EPHA4: variants seen among roughly 807,000 people sequenced by gnomAD.
The protein encoded by EPHA4 is EPH receptor A4, also known as ephrin type-A receptor 4.
EPHA4 carries 19 observed loss-of-function variants against 108.3 expected under a neutral mutation model. The ratio of observed to expected loss-of-function variants is 0.18; its 90% CI spans 0.12 to 0.26. The LOEUF (loss-of-function observed/expected upper bound fraction) is 0.26. Among genes scored for constraint, EPHA4 ranks in the 10% least tolerant of loss-of-function variants. EPHA4 has a pLI of 1.00. For synonymous variants in EPHA4, 449 were observed against 455.5 expected (o/e 0.99, Z 0.18); for missense variants, 917 against 1,254.0 (o/e 0.73, Z 4.06).
At chr2:221,481,095 G>A (rs534550291) in intron 5 of EPHA4, among the ~76,000 whole-genome samples, 71 of 152,200 alleles carry the variant, frequency 4.7e-4, no homozygotes, top group African/African-American at 1.6e-3. Flanking sequence ...TAAAAAAGCC[G>A]GCAATGTAAA....
intron 3 of EPHA4, among the ~76,000 whole-genome samples, chr2:221,525,677 G>C (rs79668685): frequency 3.9e-4 from 60 of 152,246 alleles, no homozygotes; most frequent in African/African-American, 1.4e-3. Flanking sequence ...ATAAGAAACT[G>C]CCCACAAAGT....
At chr2:221,541,009 C>A (rs1331005333) in intron 3 of EPHA4, among the ~76,000 whole-genome samples, 3 of 146,112 alleles carry the variant, frequency 2.1e-5, no homozygotes, top group African/African-American at 7.6e-5. Context: ...TGCAGTGACA[C>A]AATCATAGCT....
chr2:221,468,866 A>G (rs1051938593), intron 5 of EPHA4, among the ~76,000 whole-genome samples: 3 of 152,260 alleles, frequency 2.0e-5, no homozygotes, highest in Non-Finnish European at 4.4e-5. Flanking sequence ...CAATAAATAG[A>G]TCCACTATGG....
chr2:221,522,154 T>C (rs565020996), intron 3 of EPHA4, among the ~76,000 whole-genome samples: 1 of 152,316 alleles, frequency 6.6e-6, no homozygotes, highest in East Asian at 1.9e-4. Flanking sequence ...ACATTGCCAG[T>C]TATGCCCATA....
rs578220619 is a variant in EPHA4, at chr2:221,420,044, C to T, written c.*1328G>A. On this transcript the variant is annotated 3_prime_UTR_variant, in exon 18 of 18. Coordinates refer to ENST00000281821, the MANE Select transcript of EPHA4 (RefSeq NM_004438.5). ...GTCTAAGAAAAAAATATATTTATATCACTGCAATGGCACACCCTGGGTAAA... is the reference window on the plus strand; with the variant it reads ...GTCTAAGAAAAAAATATATTTATATTACTGCAATGGCACACCCTGGGTAAA... 1 of 152,718 alleles carries T rather than the reference C, an allele frequency of 6.5e-6. No individual in the cohort carries two copies. Among genetic ancestry groups the T allele is most frequent in the South Asian group, 2.1e-4 (1 of 4,824 alleles). The allele number at this position is 152,718 out of a possible 1,614,324, so 9.5% of individuals were successfully genotyped here. A position where few individuals can be genotyped will look rare whatever the true frequency, so the allele number is the denominator to read the frequency against.
At chr2:221,551,760 A>G (rs955060249) in intron 3 of EPHA4, among the ~76,000 whole-genome samples, 2 of 152,166 alleles carry the variant, frequency 1.3e-5, no homozygotes, top group African/African-American at 4.8e-5. Flanking sequence ...GAGACCATTC[A>G]GTGGTTGATT....
chr2:221,452,625 G>A (rs1690823070), intron 8 of EPHA4, among the ~76,000 whole-genome samples: 1 of 152,170 alleles, frequency 6.6e-6, no homozygotes, highest in South Asian at 2.1e-4. Flanking sequence ...ATCAATATGA[G>A]GGCAAGGGGT....
chr2:221,507,722 G>T (rs532633098), intron 3 of EPHA4, among the ~76,000 whole-genome samples: 4 of 152,304 alleles, frequency 2.6e-5, no homozygotes, highest in African/African-American at 9.6e-5. Context: ...AGAGACAACA[G>T]AAAGTGTTCA....
intron 4 of EPHA4, among the ~76,000 whole-genome samples, chr2:221,494,332 A>G (rs1420384623): frequency 2.6e-5 from 4 of 152,220 alleles, no homozygotes; most frequent in African/African-American, 7.2e-5. Flanking sequence ...TGCCGGGTGC[A>G]GTGACTCACG....
At chr2:221,505,500 A>G (rs2106161049) in intron 3 of EPHA4, among the ~76,000 whole-genome samples, 1 of 151,842 alleles carries the variant, frequency 6.6e-6, no homozygotes, top group East Asian at 1.9e-4. Context: ...TAATTTTTAT[A>G]TTTTTAGTAG....
At chr2:221,480,448 T>C (rs1051105909) in intron 5 of EPHA4, among the ~76,000 whole-genome samples, 3 of 152,206 alleles carry the variant, frequency 2.0e-5, no homozygotes, top group African/African-American at 7.2e-5. Flanking sequence ...TCGTTCTGCA[T>C]TGCATCAGCT....
At position 221,475,863 on chromosome 2, in the gene EPHA4, G is replaced by A. The variant is rs550622072; in HGVS notation, c.1318+6489C>T. On this transcript the variant is annotated intron_variant, in intron 5 of 17. Coordinates refer to ENST00000281821, the MANE Select transcript of EPHA4 (RefSeq NM_004438.5). The stretch of plus-strand genomic sequence containing the variant: ...TCTGGAGGATTCGATTTGGCCCTTG[G>A]GCCATAGCTTGCTGACCCCTGCTTT... Among the ~76,000 whole-genome samples, 10 of 152,246 alleles carry A rather than the reference G, an allele frequency of 6.6e-5. No homozygotes were observed. The East Asian group carries it at 1.9e-3, about 29-fold the overall frequency.
At chr2:221,566,233 T>G (rs1559296689) in intron 2 of EPHA4, among the ~76,000 whole-genome samples, 1 of 152,168 alleles carries the variant, frequency 6.6e-6, no homozygotes, top group Non-Finnish European at 1.5e-5. Flanking sequence ...CAAGTTGTTT[T>G]TTTTTCTTTT....
intron 3 of EPHA4, among the ~76,000 whole-genome samples, chr2:221,515,346 C>T (rs1692959525): frequency 6.6e-6 from 1 of 152,178 alleles, no homozygotes; most frequent in South Asian, 2.1e-4. Flanking sequence ...CTTCCCACCT[C>T]GACCTCCCAA....
intron 3 of EPHA4, among the ~76,000 whole-genome samples, chr2:221,512,662 C>T (rs141002193): frequency 4.3e-4 from 65 of 152,268 alleles, no homozygotes; most frequent in Non-Finnish European, 5.0e-4. Context: ...CACACTAGCC[C>T]GTCTGAATTT....
At chr2:221,538,179 T>C (rs948121614) in intron 3 of EPHA4, among the ~76,000 whole-genome samples, 4 of 152,208 alleles carry the variant, frequency 2.6e-5, no homozygotes, top group Non-Finnish European at 5.9e-5. Flanking sequence ...TCTTCTGTTA[T>C]AGGACACAAA....
At chr2:221,459,505 A>C (rs1471717221) in intron 5 of EPHA4, among the ~76,000 whole-genome samples, 1 of 151,904 alleles carries the variant, frequency 6.6e-6, no homozygotes, top group Non-Finnish European at 1.5e-5. Flanking sequence ...AGGAAAATGA[A>C]AAACGGAAAT....
At chr2:221,470,953 C>T (rs1691467027) in intron 5 of EPHA4, among the ~76,000 whole-genome samples, 1 of 152,092 alleles carries the variant, frequency 6.6e-6, no homozygotes, top group Non-Finnish European at 1.5e-5. Flanking sequence ...GCTTGGAAAT[C>T]TGTAACCCTA....
intron 9 of EPHA4, among the ~76,000 whole-genome samples, 155 bp from the exon 10 acceptor site, chr2:221,443,761 T>C (rs1304458332): frequency 1.3e-5 from 2 of 152,214 alleles, no homozygotes; most frequent in Non-Finnish European, 2.9e-5. Flanking sequence ...CTGGTTTTCA[T>C]TAGTGGGTAA....
Sources: allele counts gnomAD v4.1 joint callset (sites outside exome capture counted in the v4.1 genomes callset), GRCh38; gene constraint gnomAD v4.1.1; transcripts MANE v1.5; gene names NCBI Gene and HGNC (gene_info 2026-07-23, HGNC 2026-07-21).